The following MAMDC2 variants were observed in gnomAD, a reference collection of about 807,000 sequenced individuals.
MAMDC2 encodes MAM domain containing 2.
Under a neutral mutation model 89.8 loss-of-function variants are expected in MAMDC2, and 57 were observed. That is an observed-to-expected ratio of 0.63 (90% confidence interval 0.51 to 0.79). The LOEUF (loss-of-function observed/expected upper bound fraction) is 0.79. Ranked by LOEUF, MAMDC2 falls within the 30% of genes least tolerant of loss-of-function variation. The probability of loss-of-function intolerance (pLI) is 0.00; values close to 1 mark genes in which losing one functional copy is unlikely to be tolerated. For synonymous variants in MAMDC2, 313 were observed against 293.4 expected, an observed-to-expected ratio of 1.07 and a Z score of -0.68; for missense variants, 800 against 820.6, an observed-to-expected ratio of 0.97 and a Z score of 0.31.
At chr9:70,064,384 C>T (rs1317411887) in intron 2 of MAMDC2, among the ~76,000 whole-genome samples, 1 of 152,088 alleles carries the variant, frequency 6.6e-6, no homozygotes, top group Non-Finnish European at 1.5e-5. Flanking sequence ...AGCTTAGCTC[C>T]CCCATATGAA....
At chr9:70,082,977 A>AG (rs1044112496) in intron 2 of MAMDC2, 50 of 152,236 alleles carry the variant, frequency 3.3e-4, no homozygotes, top group African/African-American at 1.1e-3. Flanking sequence ...TGTAAAAAAA[A>AG]TTAAGATACA....
intron 2 of MAMDC2, among the ~76,000 whole-genome samples, chr9:70,097,824 A>G (rs1464224401): frequency 1.3e-5 from 2 of 152,170 alleles, no homozygotes; most frequent in African/African-American, 2.4e-5. Flanking sequence ...CATGGAAACT[A>G]ACCAAAAGCC....
chr9:70,191,479 C>G (rs977773100), intron 11 of MAMDC2, among the ~76,000 whole-genome samples: 1 of 150,330 alleles, frequency 6.7e-6, no homozygotes, highest in African/African-American at 2.4e-5. Flanking sequence ...ATCTGTTACC[C>G]CCACCCCCAT....
intron 11 of MAMDC2, among the ~76,000 whole-genome samples, chr9:70,205,136 G>T (rs1005727168): frequency 1.3e-5 from 2 of 152,200 alleles, no homozygotes; most frequent in Non-Finnish European, 2.9e-5. Context: ...CTTACACAGA[G>T]AAGGCTTCTG....
intron 5 of MAMDC2, among the ~76,000 whole-genome samples, chr9:70,120,904 C>T (rs1029804527): frequency 2.0e-5 from 3 of 152,184 alleles, no homozygotes; most frequent in African/African-American, 7.2e-5. Context: ...AACTCATTAT[C>T]TTTGGGTGCC....
intron 2 of MAMDC2, among the ~76,000 whole-genome samples, chr9:70,061,567 T>G (rs954849724): frequency 6.6e-6 from 1 of 152,162 alleles, no homozygotes; most frequent in Non-Finnish European, 1.5e-5. Flanking sequence ...AACCAGGAAC[T>G]GGACTAAGGT....
At chr9:70,062,966 T>C (rs555542669) in intron 2 of MAMDC2, 1 of 152,244 alleles carries the variant, frequency 6.6e-6, no homozygotes, top group Non-Finnish European at 1.5e-5. Context: ...GCATCGGTTA[T>C]GGTGAGGGGA....
At chr9:70,098,585 C>T (rs183662353) in intron 2 of MAMDC2, among the ~76,000 whole-genome samples, 18 of 152,016 alleles carry the variant, frequency 1.2e-4, no homozygotes, top group African/African-American at 4.1e-4. Context: ...GTGGAGAAGC[C>T]CAAATGAAAG....
chr9:70,204,309 C>T (rs1266802802), intron 11 of MAMDC2, among the ~76,000 whole-genome samples: 4 of 151,844 alleles, frequency 2.6e-5, no homozygotes, highest in South Asian at 4.2e-4. Context: ...GTTGGAATAC[C>T]CTACTGTGTG....
At chr9:70,165,230 T>C (rs1343283430) in intron 9 of MAMDC2, among the ~76,000 whole-genome samples, 2 of 152,218 alleles carry the variant, frequency 1.3e-5, no homozygotes, top group Non-Finnish European at 2.9e-5. Context: ...ACTTATTCTT[T>C]GTCCTGCCTC....
At chr9:70,205,698 C>T (rs541351913) in intron 11 of MAMDC2, among the ~76,000 whole-genome samples, 1 of 152,254 alleles carries the variant, frequency 6.6e-6, no homozygotes, top group Non-Finnish European at 1.5e-5. Context: ...AAACAGTGAC[C>T]CACAGAGAGA....
At chr9:70,199,843 T>A (rs10746826) in intron 11 of MAMDC2, among the ~76,000 whole-genome samples, 111,344 of 143,690 alleles carry the variant, frequency 0.77, 43,141 homozygotes, top group Admixed American at 0.82. Flanking sequence ...GCTGCATAAA[T>A]GTCTTCTTTT....
intron 2 of MAMDC2, among the ~76,000 whole-genome samples, chr9:70,093,062 C>T (rs922201826): frequency 2.0e-5 from 3 of 152,060 alleles, no homozygotes; most frequent in African/African-American, 4.8e-5. Flanking sequence ...TACATACATA[C>T]ACACATATGT....
At chr9:70,062,191 T>C (rs1449249544) in intron 2 of MAMDC2, among the ~76,000 whole-genome samples, 1 of 152,122 alleles carries the variant, frequency 6.6e-6, no homozygotes, top group Non-Finnish European at 1.5e-5. Context: ...TTTTTTTAAT[T>C]TCAAAAAATC....
intron 2 of MAMDC2, among the ~76,000 whole-genome samples, chr9:70,101,971 G>T (rs765108806): frequency 3.9e-5 from 6 of 152,144 alleles, no homozygotes; most frequent in Non-Finnish European, 7.4e-5. Flanking sequence ...TACGTATTAT[G>T]CCATTTTTAT....
Position 70,206,345 on chromosome 9 carries a change from C to T in MAMDC2, c.1652-11992C>T, listed in dbSNP as rs552280787. Among the ~76,000 whole-genome samples, 4 of 152,194 alleles carry T rather than the reference C, an allele frequency of 2.6e-5. No homozygotes were observed. The East Asian group carries it at 7.7e-4, about 29-fold the overall frequency. ...GCATCTAATTTATAACAAAATTTAT[C>T]ACAGGTATATGTGTACAGGAACAGT... On this transcript the variant is annotated intron_variant, in intron 11 of 13. Coordinates refer to ENST00000377182, the MANE Select transcript of MAMDC2 (RefSeq NM_153267.5).
At chr9:70,050,749 CT>C (rs1826875117) in intron 2 of MAMDC2, among the ~76,000 whole-genome samples, 1 of 152,118 alleles carries the variant, frequency 6.6e-6, no homozygotes, top group Non-Finnish European at 1.5e-5. Context: ...GTGTGGTTTT[CT>C]TTTGCTTATA....
At chr9:70,212,063 T>C (rs1356002569) in intron 11 of MAMDC2, among the ~76,000 whole-genome samples, 2 of 152,242 alleles carry the variant, frequency 1.3e-5, no homozygotes, top group African/African-American at 2.4e-5. Context: ...CCAGTTAGGC[T>C]ACTTGGGGGT....
At chr9:70,173,552 T>G (rs2118545839) in intron 11 of MAMDC2, among the ~76,000 whole-genome samples, 1 of 152,326 alleles carries the variant, frequency 6.6e-6, no homozygotes, top group South Asian at 2.1e-4. Flanking sequence ...TCTATTGTAG[T>G]CTAGATGTTA....
Sources: allele counts gnomAD v4.1 joint callset (sites outside exome capture counted in the v4.1 genomes callset), GRCh38; gene constraint gnomAD v4.1.1; transcripts MANE v1.5; gene names NCBI Gene and HGNC (gene_info 2026-07-23, HGNC 2026-07-21).